ANKRD35: variants seen among roughly 807,000 people sequenced by gnomAD.
ANKRD35 encodes the protein ankyrin repeat domain 35, also known as ankyrin repeat domain-containing protein 35.
Under a neutral mutation model 109.9 loss-of-function variants are expected in ANKRD35, and 102 were observed. That is an observed-to-expected ratio of 0.93 (90% CI 0.79 to 1.09). ANKRD35 has a LOEUF of 1.09. ANKRD35 is among the 50% of genes least tolerant of loss of function. The pLI is 0.00. For synonymous variants in ANKRD35, 515 were observed against 512.4 expected, an observed-to-expected ratio of 1.01 and a Z score of -0.07; for missense variants, 1,240 against 1,230.1, an observed-to-expected ratio of 1.01 and a Z score of -0.12.
In ANKRD35 at chr1:145,872,154, TC is replaced by T. The variant is rs1559172445; in HGVS notation, c.2614del (p.Glu872ArgfsTer41). On this transcript the variant is annotated frameshift_variant, in exon 10 of 14. Coordinates refer to ENST00000355594, the MANE Select transcript of ANKRD35 (RefSeq NM_144698.5). LOFTEE classifies it high-confidence loss of function. Reference protein sequence around the residue: ...TACREVGRLREAVAEERRRSG... With the variant: ...TACREVGRLRXAVAEERRRSG... ...CCGGCGGCGCTCCTCGGCCACCGCC[TC>T]CCGCAGCCGACCCACTTCCCGGCAG... 1.9e-6 allele frequency: 3 copies of T among 1,609,376 alleles called. No homozygotes were observed. The highest frequency in any genetic ancestry group is 2.5e-6 in the Non-Finnish European group (3 of 1,178,060).
At chr1:145,877,911 A>G (rs190639063) in intron 4 of ANKRD35, 57 bp downstream of exon 4, 6 of 1,539,892 alleles carry the variant, frequency 3.9e-6, no homozygotes, top group Middle Eastern at 1.7e-4. Flanking sequence ...ATGAAGTTAG[A>G]AAACTCTGGG....
chr1:145,874,993 G>C lies in ANKRD35; in HGVS notation c.574C>G (p.Leu192Val). The C allele has an allele frequency of 6.2e-7, 1 of 1,604,488 alleles. No homozygotes were observed. The highest frequency in any genetic ancestry group is 8.5e-7 in the Non-Finnish European group (1 of 1,175,594). The stretch of plus-strand genomic sequence containing the variant: ...TCGGCACTGCCTTTCTCACAGGCCA[G>C]GATCAAAGCCGATCTGTGGGTTGAG... ...TDKNDKSALI[L>V]ACEKGSAEVA... The change falls in exon 8 of 14, where the codon CTG becomes GTG. Residue 192 changes from leucine (L) to valine (V), a missense_variant. Physicochemically the swap from Leu to Val is conservative, Grantham distance 32 (BLOSUM62 1). Transcript: ENST00000355594.
Position 145,873,523 on chromosome 1 carries a change from C to G in ANKRD35, c.1246G>C (p.Val416Leu), listed in dbSNP as rs1221578369. The G allele has an allele frequency of 1.2e-6, 2 of 1,613,970 alleles. No homozygotes were observed. Among genetic ancestry groups the G allele is most frequent in the African/African-American group, 1.3e-5 (1 of 74,920 alleles). ...TCTTCTGGTTGGGACCTTCCATGGA[C>G]TTCATACTGGATCTTTCCTGGGGCT... is the stretch of plus-strand genomic sequence containing the variant. ...DSAPGKIQYE[V>L]HGRSQPEEQG... is the part of the protein sequence containing the mutation. The change falls in exon 10 of 14, where the codon GTC (valine) becomes CTC (leucine). Residue 416 changes from valine (V) to leucine (L), a missense_variant. Val to Leu is a conservative substitution (Grantham distance 32). Transcript: ENST00000355594.
At chr1:145,876,756 C>T in intron 5 of ANKRD35, 60 bp downstream of exon 5, 2 of 1,612,316 alleles carry the variant, frequency 1.2e-6, no homozygotes, top group Middle Eastern at 1.7e-4. Context: ...CCTCCTCACG[C>T]CTCCCCTTTC....
chr1:145,870,771 G>A (rs1269553779), intron 10 of ANKRD35, among the ~76,000 whole-genome samples: 1 of 152,018 alleles, frequency 6.6e-6, no homozygotes, highest in Admixed American at 6.6e-5. Flanking sequence ...CCAGACTGGA[G>A]TGCAGTGGTG....
Position 145,867,359 on chromosome 1 carries a change from G to A in ANKRD35, c.2977C>T (p.Leu993=), listed in dbSNP as rs1653643114. The part of the protein sequence containing the change: ...YMEHEVYNIL[L]QILSMEEE ...TCCTCTTCCATGCTAAGGATTTGCA[G>A]CAGGATATTGTACACTTCATGTTCC... Residue 993 remains leucine, a synonymous_variant, in exon 13 of 14, where the codon CTG becomes TTG. Coordinates refer to ENST00000355594, the MANE Select transcript of ANKRD35 (RefSeq NM_144698.5). The A allele has an allele frequency of 6.2e-7, 1 of 1,613,866 alleles. No homozygotes were observed. The highest frequency in any genetic ancestry group is 1.7e-5 in the Admixed American group (1 of 59,984).
chr1:145,873,292 G>A lies in ANKRD35; in HGVS notation c.1477C>T (p.Leu493Phe), dbSNP rs1553739298. The stretch of plus-strand genomic sequence containing the variant: ...GCAGCAAGCTCCTCCCTTAGTTGAA[G>A]CAGAAGCTGGTTCATGGCTGCTGGG... ...VGPAAMNQLLLQLREELAAVW... is the reference protein window; with the variant it reads ...VGPAAMNQLLFQLREELAAVW... The change falls in exon 10 of 14, where the codon CTT becomes TTT. Residue 493 changes from leucine to phenylalanine, a missense_variant. By Grantham distance (22) the Leu-to-Phe change is conservative (BLOSUM62 0). Coordinates refer to ENST00000355594, the MANE Select transcript of ANKRD35 (RefSeq NM_144698.5). 2.5e-6 allele frequency: 4 copies of A among 1,614,124 alleles called. No homozygotes were observed. The highest frequency in any genetic ancestry group is 3.4e-6 in the Non-Finnish European group (4 of 1,179,994).
Position 145,873,261 on chromosome 1 carries a change from C to G in ANKRD35, c.1508G>C (p.Trp503Ser). The change falls in exon 10 of 14, where the codon TGG becomes TCG. Residue 503 changes from tryptophan to serine, a missense_variant. Trp to Ser is a radical substitution (Grantham distance 177). Transcript: ENST00000355594. ...CCCCCGGGCAGCATCCTTTTCTCGC[C>G]ACACTGCAGCAAGCTCCTCCCTTAG... ...LQLREELAAVWREKDAARGAL... is the reference protein window; with the variant it reads ...LQLREELAAVSREKDAARGAL... 2 of 1,614,170 alleles carry G rather than the reference C, an allele frequency of 1.2e-6. No individual in the cohort carries two copies. The highest frequency in any genetic ancestry group is 1.7e-6 in the Non-Finnish European group (2 of 1,180,006).
At chr1:145,868,228 A>G in intron 11 of ANKRD35, 83 bp downstream of exon 11, 1 of 1,518,084 alleles carries the variant, frequency 6.6e-7, no homozygotes, top group Non-Finnish European at 9.1e-7. Flanking sequence ...CTCCCTCAGT[A>G]ATTCCTAGAA....
intron 11 of ANKRD35, 46 bp downstream of exon 11, chr1:145,868,265 C>G (rs1178198344): frequency 6.3e-7 from 1 of 1,585,044 alleles, no homozygotes; most frequent in Non-Finnish European, 8.7e-7. Flanking sequence ...ATCACTTCCA[C>G]TGCTGACCTT....
At chr1:145,870,432 T>C (rs901245604) in intron 10 of ANKRD35, among the ~76,000 whole-genome samples, 1 of 152,066 alleles carries the variant, frequency 6.6e-6, no homozygotes, top group Non-Finnish European at 1.5e-5. Flanking sequence ...TTTAATGCAA[T>C]CTTCACAACC....
chr1:145,885,665 T>C, intron 1 of ANKRD35, 55 bp downstream of exon 1: 2 of 1,583,164 alleles, frequency 1.3e-6, no homozygotes, highest in East Asian at 2.2e-5. Context: ...TAAAGACTTC[T>C]GTCACCACAG....
chr1:145,872,468 T>C lies in ANKRD35; in HGVS notation c.2301A>G (p.Pro767=), dbSNP rs782055253. ...ATGCTGGGGCCTTTAAGGAGGTGCC[T>C]GGCTCCCTACACGGGGACAAGGACC... The part of the protein sequence containing the change: ...LRGSLSPCRE[P]GTSLKAPASP... Residue 767 remains proline, a synonymous_variant, in exon 10 of 14, where the codon CCA becomes CCG. Transcript: ENST00000355594. The C allele has an allele frequency of 1.9e-6, 3 of 1,601,624 alleles. No homozygotes were observed. The highest frequency in any genetic ancestry group is 2.6e-6 in the Non-Finnish European group (3 of 1,174,770).
intron 8 of ANKRD35, among the ~76,000 whole-genome samples, chr1:145,874,415 G>A (rs970552112): frequency 6.6e-6 from 1 of 152,106 alleles, no homozygotes; most frequent in Non-Finnish European, 1.5e-5. Flanking sequence ...CATTTTGTTC[G>A]CTCATTTATT....
At position 145,873,488 on chromosome 1, in the gene ANKRD35, T is replaced by A. The variant is rs1553739376; in HGVS notation, c.1281A>T (p.Pro427=). 2 of 1,614,020 alleles carry A rather than the reference T, an allele frequency of 1.2e-6. No individual in the cohort carries two copies. Among genetic ancestry groups the A allele is most frequent in the South Asian group, 2.2e-5 (2 of 91,076 alleles). Reference sequence around the variant, plus strand: ...TGGTCTCAGACGCTGGGCTCTGGGGTGGCCCCTGTTCTTCTGGTTGGGACC... The same window carrying A: ...TGGTCTCAGACGCTGGGCTCTGGGGAGGCCCCTGTTCTTCTGGTTGGGACC... ...HGRSQPEEQG[P]PQSPASETIR... Residue 427 remains proline (P), a synonymous_variant, in exon 10 of 14, where the codon CCA becomes CCT. Transcript: ENST00000355594.
rs587762993 is a variant in ANKRD35 at position 145,875,080 on chromosome 1, C to T, written c.561-74G>A. ...AAGTCCTGGTTCCAGACATTCCACT[C>T]ACAGGGTAAGCTCTCATTCAGTGGG... On this transcript the variant is annotated intron_variant, in intron 7 of 13. Transcript: ENST00000355594. The T allele has an allele frequency of 1.7e-5, 25 of 1,456,568 alleles. No homozygotes were observed. In the African/African-American group the frequency reaches 3.0e-4, roughly 17 times the overall value. The allele number at this position is 1,456,568 out of a possible 1,614,324, so 90.2% of individuals were successfully genotyped here.
intron 3 of ANKRD35, 80 bp from the exon 4 acceptor site, chr1:145,878,112 G>T: frequency 3.1e-6 from 4 of 1,309,318 alleles, no homozygotes; most frequent in Non-Finnish European, 4.4e-6. Context: ...GGCAAGAGAC[G>T]CACAGATAAT....
intron 11 of ANKRD35, 78 bp from the exon 12 acceptor site, chr1:145,868,134 C>A: frequency 1.3e-6 from 2 of 1,529,012 alleles, no homozygotes; most frequent in South Asian, 2.2e-5. Context: ...ATGAAGTGGT[C>A]AGCAGTACCA....
Position 145,874,972 on chromosome 1 carries a change from C to A in ANKRD35, c.595G>T (p.Ala199Ser), listed in dbSNP as rs148836248. 1 of 1,611,760 alleles carries A rather than the reference C, an allele frequency of 6.2e-7. No individual in the cohort carries two copies. Among genetic ancestry groups the A allele is most frequent in the South Asian group, 1.1e-5 (1 of 90,556 alleles). Residue 199 changes from alanine to serine, a missense_variant, in exon 8 of 14, where the codon GCC becomes TCC. Coordinates refer to ENST00000355594, the MANE Select transcript of ANKRD35 (RefSeq NM_144698.5). ...CTCAGGAGCAGTTCAGCCACCTCGGCACTGCCTTTCTCACAGGCCAGGATC... is the reference window on the plus strand; with the variant it reads ...CTCAGGAGCAGTTCAGCCACCTCGGAACTGCCTTTCTCACAGGCCAGGATC... The part of the protein sequence containing the change: ...ALILACEKGS[A>S]EVAELLLSHG...
Sources: allele counts gnomAD v4.1 joint callset (sites outside exome capture counted in the v4.1 genomes callset), GRCh38; gene constraint gnomAD v4.1.1; transcripts MANE v1.5; gene names NCBI Gene and HGNC (gene_info 2026-07-23, HGNC 2026-07-21).